Variants in SYNPR observed in about 807,000 individuals in gnomAD.
SYNPR encodes synaptoporin.
Under a neutral mutation model 32.9 loss-of-function variants are expected in SYNPR, and 23 were observed. That is an observed-to-expected ratio of 0.70 (90% confidence interval 0.50 to 0.99). The LOEUF (loss-of-function observed/expected upper bound fraction) is 0.99, where lower values mean the gene tolerates loss of function less well. SYNPR is among the 50% of genes least tolerant of loss of function. SYNPR has a pLI of 0.00. For synonymous variants in SYNPR, 146 were observed against 135.9 expected (o/e 1.07, Z -0.52); for missense variants, 318 against 349.3 (o/e 0.91, Z 0.71).
At chr3:63,281,339 T>C (rs1333617713) in intron 2 of SYNPR, among the ~76,000 whole-genome samples, 2 of 152,222 alleles carry the variant, frequency 1.3e-5, no homozygotes, top group African/African-American at 4.8e-5. Context: ...AACTTGACAG[T>C]GTCTTTAAGC....
At chr3:63,393,151 T>G (rs965922677) in intron 2 of SYNPR, among the ~76,000 whole-genome samples, 1 of 152,238 alleles carries the variant, frequency 6.6e-6, no homozygotes, top group African/African-American at 2.4e-5. Flanking sequence ...ATTGAAAAAG[T>G]TGCATGGTAT....
At chr3:63,334,330 G>C (rs1027750679) in intron 2 of SYNPR, among the ~76,000 whole-genome samples, 2 of 152,244 alleles carry the variant, frequency 1.3e-5, no homozygotes. Flanking sequence ...CCCACCTGGA[G>C]AGAGTATGAC....
intron 2 of SYNPR, among the ~76,000 whole-genome samples, chr3:63,296,547 C>T (rs897360461): frequency 6.6e-5 from 10 of 152,140 alleles, no homozygotes; most frequent in Non-Finnish European, 1.0e-4. Flanking sequence ...ATTAGTGACT[C>T]CAAAGGTCTC....
intron 2 of SYNPR, among the ~76,000 whole-genome samples, chr3:63,366,245 G>T (rs982670502): frequency 1.5e-4 from 23 of 151,950 alleles, no homozygotes; most frequent in African/African-American, 3.4e-4. Flanking sequence ...AAACCGAGGG[G>T]TTTTTTTCCC....
chr3:63,347,925 A>G lies in SYNPR; in HGVS notation c.84+69183A>G, dbSNP rs139866656. ...TGTGTGTGTGTGTGTGTGTATGTAT[A>G]TATCACATTTTCTTAATCCAAGCAT... On this transcript the variant is annotated intron_variant, in intron 2 of 5. Coordinates refer to ENST00000478300, the MANE Select transcript of SYNPR (RefSeq NM_001130003.2). 7.0e-3 allele frequency among the ~76,000 whole-genome samples: 1,050 copies of G among 149,128 alleles called. 17 individuals carry two copies. The highest frequency in any genetic ancestry group is 0.025 in the African/African-American group (1,002 of 40,406).
At chr3:63,506,892 T>C (rs761803579) in intron 3 of SYNPR, among the ~76,000 whole-genome samples, 6 of 152,278 alleles carry the variant, frequency 3.9e-5, no homozygotes, top group Admixed American at 2.0e-4. Flanking sequence ...GATGAGTTGA[T>C]ACCAAATAGA....
At chr3:63,424,270 G>A (rs2107135424) in intron 2 of SYNPR, among the ~76,000 whole-genome samples, 1 of 152,214 alleles carries the variant, frequency 6.6e-6, no homozygotes, top group Admixed American at 6.5e-5. Context: ...AAAATGAAGA[G>A]CTTATTTTTT....
At chr3:63,400,024 C>G (rs2088268423) in intron 2 of SYNPR, among the ~76,000 whole-genome samples, 1 of 152,156 alleles carries the variant, frequency 6.6e-6, no homozygotes, top group Non-Finnish European at 1.5e-5. Flanking sequence ...TTAAGTGAAC[C>G]AGTCCCCAGC....
At chr3:63,459,339 C>T (rs1417650889) in intron 2 of SYNPR, among the ~76,000 whole-genome samples, 1 of 152,094 alleles carries the variant, frequency 6.6e-6, no homozygotes, top group African/African-American at 2.4e-5. Context: ...CTTTTAAACT[C>T]TGACCCACCT....
chr3:63,219,403 T>C, the SYNPR span, among the ~76,000 whole-genome samples: 5 of 152,196 alleles, frequency 3.3e-5, no homozygotes, highest in African/African-American at 1.2e-4. Flanking sequence ...TTATACATCA[T>C]GGAGAGTTTG....
At chr3:63,434,071 T>A (rs1700037959) in intron 2 of SYNPR, among the ~76,000 whole-genome samples, 1 of 152,110 alleles carries the variant, frequency 6.6e-6, no homozygotes, top group Non-Finnish European at 1.5e-5. Context: ...TGGAGCTCCA[T>A]GAAAACACTC....
chr3:63,563,112 T>G (rs1010935583), intron 4 of SYNPR, among the ~76,000 whole-genome samples: 2 of 152,160 alleles, frequency 1.3e-5, no homozygotes, highest in Non-Finnish European at 2.9e-5. Flanking sequence ...CACTTTCCTT[T>G]GATTGACTGC....
At chr3:63,545,975 C>T (rs549967774) in intron 3 of SYNPR, among the ~76,000 whole-genome samples, 437 of 152,112 alleles carry the variant, frequency 2.9e-3, no homozygotes, top group Middle Eastern at 6.8e-3. Flanking sequence ...ATGAATAAGC[C>T]GTTGTCAACC....
chr3:63,532,497 G>A (rs1440693141), intron 3 of SYNPR, among the ~76,000 whole-genome samples: 2 of 152,204 alleles, frequency 1.3e-5, no homozygotes, highest in Non-Finnish European at 2.9e-5. Flanking sequence ...GGCAGGAGAA[G>A]GGATGGTGTG....
rs144946998 is a variant in SYNPR, at chr3:63,279,199, C to G, written c.84+457C>G. ...AAGTTGGTCAGAACTGAGACAGCTCCTCTGCGGGACTGGGATGCTGGAAGC... is the reference window on the plus strand; with the variant it reads ...AAGTTGGTCAGAACTGAGACAGCTCGTCTGCGGGACTGGGATGCTGGAAGC... On this transcript the variant is annotated intron_variant, in intron 2 of 5. Transcript: ENST00000478300. 2.5e-3 allele frequency among the ~76,000 whole-genome samples: 387 copies of G among 152,290 alleles called. 1 individual carries two copies. The highest frequency in any genetic ancestry group is 0.024 in the Middle Eastern group (7 of 294).
chr3:63,455,788 G>T (rs189870232), intron 2 of SYNPR, among the ~76,000 whole-genome samples: 18 of 74,654 alleles, frequency 2.4e-4, no homozygotes, highest in Non-Finnish European at 3.3e-4. Context: ...TGTGTGTGTG[G>T]ATCTTCAGAT....
At chr3:63,462,933 G>A (rs1019568620) in intron 2 of SYNPR, among the ~76,000 whole-genome samples, 4 of 152,142 alleles carry the variant, frequency 2.6e-5, no homozygotes, top group African/African-American at 4.8e-5. Flanking sequence ...GGCCACCAGG[G>A]AAATGAGTGG....
chr3:63,559,527 C>T (rs959687723), intron 4 of SYNPR, among the ~76,000 whole-genome samples: 1 of 151,638 alleles, frequency 6.6e-6, no homozygotes, highest in South Asian at 2.1e-4. Flanking sequence ...TTCACAAATC[C>T]CTATTATAGA....
Position 63,615,335 on chromosome 3 carries a change from C to G in SYNPR, c.712C>G (p.His238Asp). The change falls in exon 6 of 6, where the codon CAC (histidine) becomes GAC (aspartate). Residue 238 changes from histidine to aspartate, a missense_variant. Physicochemically the swap from His to Asp is moderately conservative, Grantham distance 81. Coordinates refer to ENST00000478300, the MANE Select transcript of SYNPR (RefSeq NM_001130003.2). ...ATATCTTTCAGATCCAATGGAGAAG[C>G]ACTCCAGCAGCTATAATCAAGGTGG... The part of the protein sequence containing the change: ...QRYLSDPMEK[H>D]SSSYNQGGYN... 6.2e-7 allele frequency: 1 copy of G among 1,613,910 alleles called. No homozygotes were observed.
Sources: gnomAD v4.1 joint callset for allele counts (sites outside exome capture counted in the v4.1 genomes callset) on GRCh38, gnomAD v4.1.1 for gene constraint, MANE v1.5 for transcripts, NCBI Gene and HGNC (gene_info 2026-07-23, HGNC 2026-07-21) for gene names.